CLUL1: variants seen among roughly 807,000 people sequenced by gnomAD.
CLUL1 encodes clusterin like 1.
CLUL1 carries 43 observed loss-of-function variants against 49.4 expected under a neutral mutation model. That is an observed-to-expected ratio of 0.87 (90% CI 0.68 to 1.12). The LOEUF (loss-of-function observed/expected upper bound fraction) is 1.12, where lower values mean the gene tolerates loss of function less well. Ranked by LOEUF, CLUL1 falls within the 50% of genes most tolerant of loss-of-function variation. CLUL1 has a pLI of 0.00. For missense variants in CLUL1, 486 were observed against 544.4 expected (o/e 0.89, Z 1.07); for synonymous variants, 192 against 184.9 (o/e 1.04, Z -0.31).
At chr18:634,268 T>C (rs1247189679) in intron 7 of CLUL1, among the ~76,000 whole-genome samples, 1 of 152,148 alleles carries the variant, frequency 6.6e-6, no homozygotes, top group Non-Finnish European at 1.5e-5. Flanking sequence ...TAGCTGGGAT[T>C]ACAGGCATGT....
chr18:630,949 G>A (rs1384088837), intron 6 of CLUL1, among the ~76,000 whole-genome samples: 2 of 151,654 alleles, frequency 1.3e-5, no homozygotes, highest in Non-Finnish European at 2.9e-5. Flanking sequence ...AAACAATAAT[G>A]AATTTGTGCT....
chr18:625,696 G>A (rs544754139), intron 5 of CLUL1, among the ~76,000 whole-genome samples: 1 of 152,112 alleles, frequency 6.6e-6, no homozygotes, highest in South Asian at 2.1e-4. Context: ...CCCCACTAAC[G>A]GCTCCAATTA....
In CLUL1 at chr18:650,115, A is replaced by G. The variant is rs1381908590; in HGVS notation, c.*214A>G. The stretch of plus-strand genomic sequence containing the variant: ...TGAAAATTCCTCCTTAAAAAATCAA[A>G]CGTAATATGTATTACATTTCATGGT... On this transcript the variant is annotated 3_prime_UTR_variant, in exon 10 of 10. Transcript: ENST00000692774. 4.8e-6 allele frequency: 2 copies of G among 415,512 alleles called. No homozygotes were observed. The highest frequency in any genetic ancestry group is 8.6e-6 in the Non-Finnish European group (2 of 233,816). 25.7% of individuals were successfully genotyped at this position (415,512 alleles called of 1,614,324 possible).
Position 641,281 on chromosome 18 carries a change from G to A in CLUL1, c.995-46G>A, listed in dbSNP as rs1177678221. ...TTAAGCCCATGTTGCCCACCTCCAA[G>A]TTTCATGGACTTTTTCCTTCTCCAC... On this transcript the variant is annotated intron_variant, in intron 7 of 9. Coordinates refer to ENST00000692774, the MANE Select transcript of CLUL1 (RefSeq NM_001393344.1). 3 of 1,571,622 alleles carry A rather than the reference G, an allele frequency of 1.9e-6. No homozygotes were observed. The African/African-American group carries it at 4.1e-5, about 21-fold the overall frequency.
rs1598425126 is a variant in CLUL1 at position 625,009 on chromosome 18, A to C, written c.400A>C (p.Ser134Arg). The change falls in exon 5 of 10, where the codon AGC becomes CGC. Residue 134 changes from serine to arginine, a missense_variant. By Grantham distance (110) the Ser-to-Arg change is moderately radical (BLOSUM62 -1). Coordinates refer to ENST00000692774, the MANE Select transcript of CLUL1 (RefSeq NM_001393344.1). ...CMRIYTTCQP[S>R]WSSVKNKIER... ...GAGAATTTATACAACCTGCCAACCTAGCTGGTCCTCTGTGAAAAATAAGGT... is the reference window on the plus strand; with the variant it reads ...GAGAATTTATACAACCTGCCAACCTCGCTGGTCCTCTGTGAAAAATAAGGT... The C allele has an allele frequency of 1.2e-6, 2 of 1,614,170 alleles. 1 individual carries two copies. Among genetic ancestry groups the C allele is most frequent in the African/African-American group, 2.7e-5 (2 of 75,052 alleles).
At chr18:635,379 G>A (rs528015257) in intron 7 of CLUL1, among the ~76,000 whole-genome samples, 2 of 152,228 alleles carry the variant, frequency 1.3e-5, no homozygotes, top group Admixed American at 6.5e-5. Flanking sequence ...AGCAGGCGGG[G>A]CTCAGGCAGT....
intron 2 of CLUL1, among the ~76,000 whole-genome samples, chr18:608,178 C>G (rs528114166): frequency 1.3e-5 from 2 of 152,102 alleles, no homozygotes; most frequent in Non-Finnish European, 2.9e-5. Flanking sequence ...GGGAGGTTGA[C>G]CCTGAGTTGG....
intron 1 of CLUL1, among the ~76,000 whole-genome samples, chr18:599,999 A>T (rs1022520518): frequency 1.3e-5 from 2 of 152,042 alleles, no homozygotes; most frequent in Non-Finnish European, 2.9e-5. Flanking sequence ...GAACTGAATT[A>T]TTTCCCTTAG....
At chr18:635,902 G>A (rs113809986) in intron 7 of CLUL1, among the ~76,000 whole-genome samples, 16,551 of 151,912 alleles carry the variant, frequency 0.11, 1,125 homozygotes, top group African/African-American at 0.18. Flanking sequence ...ATACCTGGCT[G>A]ATTTTTGTAT....
At chr18:619,015 G>A in intron 3 of CLUL1, among the ~76,000 whole-genome samples, 198 bp from the exon 4 acceptor site, 1 of 152,166 alleles carries the variant, frequency 6.6e-6, no homozygotes, top group East Asian at 1.9e-4. Context: ...GCGCTCACAA[G>A]TGAGGAGTAG....
intron 6 of CLUL1, among the ~76,000 whole-genome samples, chr18:630,451 A>G (rs1352434980): frequency 6.6e-6 from 1 of 152,112 alleles, no homozygotes; most frequent in East Asian, 1.9e-4. Flanking sequence ...GATTATCCAG[A>G]TGGATTCAAT....
At position 603,782 on chromosome 18, in the gene CLUL1, C is replaced by T. The variant is rs558340531; in HGVS notation, c.-135-3196C>T. Among the ~76,000 whole-genome samples, 29 of 152,290 alleles carry T rather than the reference C, an allele frequency of 1.9e-4. No individual in the cohort carries two copies. The South Asian group carries it at 5.0e-3, about 26-fold the overall frequency. On this transcript the variant is annotated intron_variant, in intron 1 of 9. Transcript: ENST00000692774. ...TTACCTCCTTATAGCCACACGCATTCCTCCATCATTAACCCCTGGGAACAA... is the reference window on the plus strand; with the variant it reads ...TTACCTCCTTATAGCCACACGCATTTCTCCATCATTAACCCCTGGGAACAA...
chr18:648,946 C>T (rs1304799356), intron 9 of CLUL1, among the ~76,000 whole-genome samples: 1 of 152,200 alleles, frequency 6.6e-6, no homozygotes, highest in Non-Finnish European at 1.5e-5. Flanking sequence ...GCATGAGCCA[C>T]TGCCTGGCCT....
intron 8 of CLUL1, 23 bp from the exon 9 acceptor site, chr18:644,887 A>G (rs1262521138): frequency 6.4e-7 from 1 of 1,559,340 alleles, no homozygotes; most frequent in Non-Finnish European, 8.7e-7. Flanking sequence ...GTAAACTTCT[A>G]CTGTATAATC....
intron 2 of CLUL1, among the ~76,000 whole-genome samples, chr18:609,207 G>A (rs949401948): frequency 1.3e-5 from 2 of 152,014 alleles, no homozygotes; most frequent in Admixed American, 6.5e-5. Context: ...TGTATACATT[G>A]AACCATCAGG....
At chr18:637,079 T>C (rs1240262303) in intron 7 of CLUL1, among the ~76,000 whole-genome samples, 1 of 151,398 alleles carries the variant, frequency 6.6e-6, no homozygotes, top group Non-Finnish European at 1.5e-5. Flanking sequence ...CTCCGCCTTC[T>C]GGGTTCATGC....
At chr18:635,917 A>G (rs573398494) in intron 7 of CLUL1, among the ~76,000 whole-genome samples, 6 of 152,120 alleles carry the variant, frequency 3.9e-5, no homozygotes, top group African/African-American at 1.2e-4. Context: ...TTGTATTTTT[A>G]GTAGAGATGG....
intron 7 of CLUL1, among the ~76,000 whole-genome samples, chr18:640,875 G>C (rs1187160735): frequency 6.6e-6 from 1 of 151,392 alleles, no homozygotes; most frequent in Non-Finnish European, 1.5e-5. Context: ...TACACTTTTG[G>C]TCTTAATTTA....
intron 7 of CLUL1, among the ~76,000 whole-genome samples, chr18:639,753 A>T (rs943515171): frequency 6.6e-6 from 1 of 152,118 alleles, no homozygotes; most frequent in Non-Finnish European, 1.5e-5. Flanking sequence ...TAACAGAGTG[A>T]TACTCTGTCT....
Sources: allele counts gnomAD v4.1 joint callset (sites outside exome capture counted in the v4.1 genomes callset), GRCh38; gene constraint gnomAD v4.1.1; transcripts MANE v1.5; gene names NCBI Gene and HGNC (gene_info 2026-07-23, HGNC 2026-07-21).